Variants in SPAG16 observed in about 807,000 individuals in gnomAD.
SPAG16 encodes the protein sperm associated antigen 16.
In SPAG16, 86 loss-of-function variants were observed where a neutral mutation model predicts 80.4. That is an observed-to-expected ratio of 1.07 (90% CI 0.90 to 1.28). The LOEUF (loss-of-function observed/expected upper bound fraction) is 1.28. Among genes scored for constraint, SPAG16 ranks in the 50% most tolerant of loss-of-function variants. SPAG16 has a pLI of 0.00. For synonymous variants in SPAG16, 294 were observed against 265.9 expected (o/e 1.11, Z -1.03); for missense variants, 870 against 765.3 (o/e 1.14, Z -1.61).
At chr2:213,673,308 C>T (rs935858085) in intron 10 of SPAG16, among the ~76,000 whole-genome samples, 25 of 152,156 alleles carry the variant, frequency 1.6e-4, no homozygotes, top group African/African-American at 5.5e-4. Flanking sequence ...TAAAAAGTCA[C>T]TTTTTTAGGC....
At chr2:213,849,225 C>T (rs2074781529) in intron 10 of SPAG16, among the ~76,000 whole-genome samples, 1 of 151,992 alleles carries the variant, frequency 6.6e-6, no homozygotes, top group African/African-American at 2.4e-5. Flanking sequence ...GTACCAGGCT[C>T]TTTTTAAGAA....
At chr2:214,009,374 G>A (rs1049827733) in intron 12 of SPAG16, among the ~76,000 whole-genome samples, 22 of 152,126 alleles carry the variant, frequency 1.4e-4, no homozygotes, top group Admixed American at 6.6e-5. Context: ...GGAGGTTACA[G>A]AGCTCATTTT....
At chr2:213,541,633 AT>A (rs1462544350) in intron 10 of SPAG16, among the ~76,000 whole-genome samples, 4 of 152,142 alleles carry the variant, frequency 2.6e-5, no homozygotes, top group East Asian at 3.8e-4. Context: ...AAAGAAAAAA[AT>A]AATCTTGAAG....
At chr2:213,555,114 A>G (rs2059387014) in intron 10 of SPAG16, among the ~76,000 whole-genome samples, 1 of 152,226 alleles carries the variant, frequency 6.6e-6, no homozygotes, top group Admixed American at 6.5e-5. Flanking sequence ...CAAATAAGGT[A>G]GTTCCAATAA....
intron 15 of SPAG16, among the ~76,000 whole-genome samples, chr2:214,266,716 G>T (rs994387637): frequency 2.6e-5 from 4 of 151,314 alleles, no homozygotes; most frequent in African/African-American, 9.7e-5. Flanking sequence ...AAAAATGTTA[G>T]AACTAATAAA....
In SPAG16 at chr2:214,330,261, G is replaced by A. The variant is rs548265512; in HGVS notation, c.1721-79879G>A. ...CATTGCACTCCAGCCTGGGTGACAA[G>A]AGTGAAACTCTGTCTCAAAAAAAAA... On this transcript the variant is annotated intron_variant, in intron 15 of 15. Transcript: ENST00000331683. 2.7e-5 allele frequency among the ~76,000 whole-genome samples: 4 copies of A among 149,500 alleles called. No homozygotes were observed. In the South Asian group the frequency reaches 8.4e-4, roughly 32 times the overall value.
intron 11 of SPAG16, among the ~76,000 whole-genome samples, chr2:213,869,277 A>ACACG (rs1559538188): frequency 2.9e-5 from 2 of 69,192 alleles, no homozygotes; most frequent in Non-Finnish European, 7.5e-5. Context: ...ATATATATAT[A>ACACG]TATGTATATA....
chr2:214,036,706 T>C (rs867568310), intron 13 of SPAG16, among the ~76,000 whole-genome samples: 1 of 152,208 alleles, frequency 6.6e-6, no homozygotes, highest in African/African-American at 2.4e-5. Context: ...TCTTACAATG[T>C]ACAGAAAGTA....
chr2:213,868,084 C>T (rs2075776885), intron 11 of SPAG16, among the ~76,000 whole-genome samples: 1 of 151,940 alleles, frequency 6.6e-6, no homozygotes, highest in Non-Finnish European at 1.5e-5. Context: ...TTGGTAAAAT[C>T]ATGTCTAAAA....
At position 214,277,279 on chromosome 2, in the gene SPAG16, C is replaced by G. The variant is rs184816751; in HGVS notation, c.1720+128013C>G. 5.1e-3 allele frequency among the ~76,000 whole-genome samples: 779 copies of G among 152,232 alleles called. 4 individuals carry two copies. Among genetic ancestry groups the G allele is most frequent in the Non-Finnish European group, 7.8e-3 (529 of 68,012 alleles). The stretch of plus-strand genomic sequence containing the variant: ...GCTTGTTATTACCGACCTTCTGAAG[C>G]CTAGTTCCGTCAACTCGTCAAAGTT... On this transcript the variant is annotated intron_variant, in intron 15 of 15. Coordinates refer to ENST00000331683, the MANE Select transcript of SPAG16 (RefSeq NM_024532.5).
chr2:213,958,195 A>T (rs1559629801), intron 12 of SPAG16, among the ~76,000 whole-genome samples: 1 of 152,142 alleles, frequency 6.6e-6, no homozygotes, highest in Non-Finnish European at 1.5e-5. Flanking sequence ...CCTGCAGGGA[A>T]TTCTAACTGA....
intron 12 of SPAG16, among the ~76,000 whole-genome samples, chr2:213,982,903 C>T (rs993102193): frequency 2.6e-5 from 4 of 151,836 alleles, no homozygotes; most frequent in African/African-American, 9.7e-5. Flanking sequence ...AATAGCATTG[C>T]AATTATTATT....
At position 214,286,664 on chromosome 2, in the gene SPAG16, T is replaced by C. The variant is rs565605795; in HGVS notation, c.1721-123476T>C. Among the ~76,000 whole-genome samples the C allele has an allele frequency of 2.0e-5, 3 of 152,230 alleles. No individual in the cohort carries two copies. In the East Asian group the frequency reaches 5.8e-4, roughly 29 times the overall value. On this transcript the variant is annotated intron_variant, in intron 15 of 15. Coordinates refer to ENST00000331683, the MANE Select transcript of SPAG16 (RefSeq NM_024532.5). ...TGGGTGGCTGAGGCACAAGAATCAC[T>C]TGAACCCAAGAGGCAGAGTTTCCAG...
At chr2:213,458,440 T>C (rs2072163488) in intron 9 of SPAG16, among the ~76,000 whole-genome samples, 1 of 150,080 alleles carries the variant, frequency 6.7e-6, no homozygotes, top group African/African-American at 2.4e-5. Flanking sequence ...GGCGTGGTGG[T>C]GACTGCCTAT....
chr2:214,128,518 A>C (rs2054604834), intron 14 of SPAG16, among the ~76,000 whole-genome samples: 2 of 151,834 alleles, frequency 1.3e-5, no homozygotes, highest in South Asian at 4.1e-4. Context: ...CAGTTCCAAG[A>C]TTGCTGTGCC....
intron 15 of SPAG16, among the ~76,000 whole-genome samples, chr2:214,219,133 A>G (rs2058501812): frequency 6.6e-6 from 1 of 152,210 alleles, no homozygotes; most frequent in Non-Finnish European, 1.5e-5. Context: ...TATGAAGGTA[A>G]TTAAATGTAA....
At chr2:213,986,325 G>A (rs113307388) in intron 12 of SPAG16, among the ~76,000 whole-genome samples, 2,347 of 151,816 alleles carry the variant, frequency 0.015, 66 homozygotes, top group African/African-American at 0.053. Context: ...TTTTCCCACC[G>A]TTTATTTCAG....
At chr2:213,405,247 T>C (rs1241927984) in intron 9 of SPAG16, among the ~76,000 whole-genome samples, 2 of 152,178 alleles carry the variant, frequency 1.3e-5, no homozygotes, top group Non-Finnish European at 2.9e-5. Context: ...CTATTAAGAT[T>C]TCCATTTTTT....
intron 15 of SPAG16, among the ~76,000 whole-genome samples, chr2:214,353,764 C>T (rs535360188): frequency 6.6e-5 from 10 of 152,216 alleles, no homozygotes; most frequent in East Asian, 1.9e-4. Flanking sequence ...GTTATTTATA[C>T]GGTCAGTGTA....
Sources: allele counts gnomAD v4.1 joint callset (sites outside exome capture counted in the v4.1 genomes callset), GRCh38; gene constraint gnomAD v4.1.1; transcripts MANE v1.5; gene names NCBI Gene and HGNC (gene_info 2026-07-23, HGNC 2026-07-21).